Variants in DPP6 observed in about 807,000 individuals in gnomAD.
DPP6 encodes the protein A-type potassium channel modulatory protein DPP6.
A neutral mutation model predicts 122.6 loss-of-function variants in DPP6; 69 were observed. The observed-to-expected ratio is 0.56, with a 90% CI of 0.46 to 0.69. The LOEUF (loss-of-function observed/expected upper bound fraction) is 0.69. Ranked by LOEUF, DPP6 falls within the 30% of genes least tolerant of loss-of-function variation. DPP6 has a pLI of 0.00. For synonymous variants in DPP6, 418 were observed against 433.1 expected, an observed-to-expected ratio of 0.97 and a Z score of 0.43; for missense variants, 928 against 1,116.9, an observed-to-expected ratio of 0.83 and a Z score of 2.41.
Position 154,775,060 on chromosome 7 carries a change from G to A in DPP6, c.1136+2118G>A, listed in dbSNP as rs538381039. 3.9e-5 allele frequency among the ~76,000 whole-genome samples: 6 copies of A among 152,292 alleles called. No homozygotes were observed. In the East Asian group the frequency reaches 1.2e-3, roughly 29 times the overall value. On this transcript the variant is annotated intron_variant, in intron 10 of 25. Coordinates refer to ENST00000377770, the MANE Select transcript of DPP6 (RefSeq NM_130797.4). Reference sequence around the variant, plus strand: ...TCCCTGGCCTTACACATTAGATGCTGTCATATCTGCCTTTTCCCCCTCCAG... The same window carrying A: ...TCCCTGGCCTTACACATTAGATGCTATCATATCTGCCTTTTCCCCCTCCAG...
intron 6 of DPP6, among the ~76,000 whole-genome samples, chr7:154,641,838 T>A (rs1232039391): frequency 6.6e-6 from 1 of 152,210 alleles, no homozygotes; most frequent in Admixed American, 6.5e-5. Context: ...TGTAATAGAA[T>A]AGAAACTGCT....
chr7:154,442,774 A>G (rs1563679009), intron 1 of DPP6, among the ~76,000 whole-genome samples: 1 of 152,068 alleles, frequency 6.6e-6, no homozygotes, highest in Non-Finnish European at 1.5e-5. Flanking sequence ...TCAGAATAAC[A>G]CTGTTGGCTA....
intron 4 of DPP6, among the ~76,000 whole-genome samples, chr7:154,550,666 T>C (rs543642612): frequency 4.6e-5 from 7 of 152,204 alleles, no homozygotes; most frequent in Admixed American, 1.3e-4. Flanking sequence ...TAACATATAA[T>C]ACATCTAAGT....
At chr7:154,626,136 A>T (rs774548341) in intron 5 of DPP6, among the ~76,000 whole-genome samples, 2 of 152,140 alleles carry the variant, frequency 1.3e-5, no homozygotes, top group Non-Finnish European at 2.9e-5. Context: ...GGAAATTCTC[A>T]TGGGTTTCTT....
chr7:154,704,918 T>A (rs1228076510), intron 7 of DPP6, among the ~76,000 whole-genome samples: 1 of 152,164 alleles, frequency 6.6e-6, no homozygotes, highest in East Asian at 1.9e-4. Flanking sequence ...GTTTTTATCT[T>A]TGAGATAGAG....
At chr7:154,138,807 G>A (rs892992387) in intron 1 of DPP6, among the ~76,000 whole-genome samples, 1 of 151,974 alleles carries the variant, frequency 6.6e-6, no homozygotes, top group African/African-American at 2.4e-5. Context: ...AACCATCAAT[G>A]TGAACCTAGT....
chr7:153,844,624 G>A, the DPP6 span, among the ~76,000 whole-genome samples: 1 of 152,134 alleles, frequency 6.6e-6, no homozygotes, highest in South Asian at 2.1e-4. Context: ...GATGTAAAAA[G>A]CATTCTTAGT....
At chr7:154,852,833 G>C (rs1202160662) in intron 16 of DPP6, among the ~76,000 whole-genome samples, 1 of 152,210 alleles carries the variant, frequency 6.6e-6, no homozygotes, top group Admixed American at 6.5e-5. Context: ...ACATGGTCAT[G>C]GAGGGGAGTT....
In DPP6 at chr7:154,523,127, G is replaced by A. The variant is rs190870379; in HGVS notation, c.458-17405G>A. 5.3e-5 allele frequency among the ~76,000 whole-genome samples: 8 copies of A among 151,990 alleles called. No homozygotes were observed. The East Asian group carries it at 1.5e-3, about 29-fold the overall frequency. On this transcript the variant is annotated intron_variant, in intron 3 of 25. Transcript: ENST00000377770. ...CGTTTCTAGAAATCAGGGATTATGT[G>A]GTCTTATTTTCTGCTCCATTTTTTA...
intron 7 of DPP6, among the ~76,000 whole-genome samples, chr7:154,720,415 G>A (rs1021419604): frequency 2.0e-5 from 3 of 152,172 alleles, no homozygotes; most frequent in Non-Finnish European, 4.4e-5. Flanking sequence ...CATTCTCCTG[G>A]GCCTTATGTA....
chr7:153,813,573 T>C, the DPP6 span, among the ~76,000 whole-genome samples: 3 of 152,132 alleles, frequency 2.0e-5, no homozygotes, highest in African/African-American at 7.2e-5. Context: ...ATGGTATTTC[T>C]AGTTCTAGAT....
intron 1 of DPP6, among the ~76,000 whole-genome samples, chr7:154,417,648 A>C (rs1469175613): frequency 2.0e-5 from 3 of 152,168 alleles, no homozygotes; most frequent in Non-Finnish European, 4.4e-5. Context: ...CACTCTCTCA[A>C]GTCGGACAGT....
At chr7:154,338,846 AAAG>A (rs1809659961) in intron 1 of DPP6, among the ~76,000 whole-genome samples, 1 of 152,132 alleles carries the variant, frequency 6.6e-6, no homozygotes, top group Non-Finnish European at 1.5e-5. Flanking sequence ...ACATGACCTG[AAAG>A]AAGATGTTGG....
chr7:153,943,054 C>T (rs1465251343), intron 1 of DPP6, among the ~76,000 whole-genome samples: 2 of 152,302 alleles, frequency 1.3e-5, no homozygotes, highest in Non-Finnish European at 2.9e-5. Flanking sequence ...TTTCCATCCC[C>T]TTTTTGACCG....
chr7:154,158,910 C>A (rs899834886), intron 1 of DPP6, among the ~76,000 whole-genome samples: 1 of 151,896 alleles, frequency 6.6e-6, no homozygotes, highest in African/African-American at 2.4e-5. Flanking sequence ...GGAAGGGTGT[C>A]TCGCTCTTCC....
chr7:154,421,440 ATCC>A (rs1817465268), intron 1 of DPP6, among the ~76,000 whole-genome samples: 2 of 151,378 alleles, frequency 1.3e-5, no homozygotes, highest in Admixed American at 6.6e-5. Flanking sequence ...CTCTTGCATC[ATCC>A]TCCTCAGTAG....
the DPP6 span, among the ~76,000 whole-genome samples, chr7:153,828,572 TTTAA>T: frequency 6.6e-6 from 1 of 152,184 alleles, no homozygotes; most frequent in African/African-American, 2.4e-5. Context: ...GGATAAAACT[TTTAA>T]TTAGGAAAGA....
chr7:154,819,853 A>T (rs1305582122), intron 16 of DPP6, among the ~76,000 whole-genome samples: 1 of 152,256 alleles, frequency 6.6e-6, no homozygotes, highest in Admixed American at 6.5e-5. Flanking sequence ...TGATTATAAA[A>T]TGAAGACCAA....
At chr7:154,200,486 A>G (rs954850559) in intron 1 of DPP6, among the ~76,000 whole-genome samples, 1 of 152,146 alleles carries the variant, frequency 6.6e-6, no homozygotes, top group African/African-American at 2.4e-5. Flanking sequence ...TGAGTCTTTA[A>G]TAAACACTGA....
Sources: allele counts gnomAD v4.1 joint callset (sites outside exome capture counted in the v4.1 genomes callset), GRCh38; gene constraint gnomAD v4.1.1; transcripts MANE v1.5; gene names NCBI Gene and HGNC (gene_info 2026-07-23, HGNC 2026-07-21).